KPNA2: variants seen among roughly 807,000 people sequenced by gnomAD.
The protein encoded by KPNA2 is karyopherin subunit alpha 2, also known as importin subunit alpha-1.
In KPNA2, 20 loss-of-function variants were observed where a neutral mutation model predicts 53.7. The ratio of observed to expected loss-of-function variants is 0.37; its 90% CI spans 0.26 to 0.54. The LOEUF is 0.54. KPNA2 is among the 20% of genes least tolerant of loss of function. The pLI, the probability that KPNA2 is intolerant of heterozygous loss-of-function variation, is 0.83. For synonymous variants in KPNA2, 238 were observed against 227.5 expected (o/e 1.05, Z -0.42); for missense variants, 515 against 640.3 (o/e 0.80, Z 2.11).
At chr17:68,037,013 G>A in intron 1 of KPNA2, 97 bp from the exon 2 acceptor site, 1 of 829,720 alleles carries the variant, frequency 1.2e-6, no homozygotes, top group South Asian at 1.4e-5. Context: ...TACAGGTGTG[G>A]ATTCAGTAGA....
rs1355585695 is a variant in KPNA2, at chr17:68,037,420, G to T, written c.138G>T (p.Gln46His). The change falls in exon 3 of 11, where the codon CAG (glutamine) becomes CAT (histidine). Residue 46 changes from glutamine (Q) to histidine (H), a missense_variant. Gln to His is a conservative substitution (Grantham distance 24). Coordinates refer to ENST00000330459, the MANE Select transcript of KPNA2 (RefSeq NM_002266.4). ...VELRKAKKDD[Q>H]MLKRRNVSSF... Reference sequence around the variant, plus strand: ...TGAGGAAAGCTAAGAAGGATGACCAGATGCTGAAGAGGAGAAATGTAAGCT... The same window carrying T: ...TGAGGAAAGCTAAGAAGGATGACCATATGCTGAAGAGGAGAAATGTAAGCT... The T allele has an allele frequency of 3.1e-6, 5 of 1,613,990 alleles. No individual in the cohort carries two copies. The African/African-American group carries it at 6.7e-5, about 22-fold the overall frequency.
In KPNA2 at chr17:68,044,497, C is replaced by T. The variant is rs1308451187; in HGVS notation, c.1341C>T (p.Ile447=). 1.2e-6 allele frequency: 2 copies of T among 1,613,066 alleles called. No individual in the cohort carries two copies. The highest frequency in any genetic ancestry group is 1.7e-6 in the Non-Finnish European group (2 of 1,179,348). ...ILVILDAISN[I]FQAAEKLGET... ...TTATCCTGGATGCCATTTCAAATAT[C>T]TTTCAGGTAAGTCCTATCAAGGTGG... Residue 447 remains isoleucine, a synonymous_variant, in exon 9 of 11, where the codon ATC becomes ATT. Transcript: ENST00000330459.
chr17:68,038,907 C>A (rs1465669989), intron 3 of KPNA2, among the ~76,000 whole-genome samples: 1 of 151,942 alleles, frequency 6.6e-6, no homozygotes, highest in East Asian at 1.9e-4. Flanking sequence ...CCTAGGTATT[C>A]AGGGGGCTGA....
At position 68,037,400 on chromosome 17, in the gene KPNA2, A is replaced by G. The variant is rs782331723; in HGVS notation, c.118A>G (p.Lys40Glu). ...AATAGAGGTCAATGTGGAGCTGAGG[A>G]AAGCTAAGAAGGATGACCAGATGCT... ...RRIEVNVELR[K>E]AKKDDQMLKR... Residue 40 changes from lysine to glutamate, a missense_variant, in exon 3 of 11, where the codon AAA becomes GAA. By Grantham distance (56) the Lys-to-Glu change is moderately conservative. Transcript: ENST00000330459. 1 of 1,614,070 alleles carries G rather than the reference A, an allele frequency of 6.2e-7. No homozygotes were observed.
intron 3 of KPNA2, 28 bp from the exon 4 acceptor site, chr17:68,040,650 A>T (rs1164562201): frequency 3.5e-6 from 5 of 1,425,314 alleles, no homozygotes; most frequent in Non-Finnish European, 4.9e-6. Flanking sequence ...TCTTAATGAT[A>T]ATGTGCAAAC....
At chr17:68,044,940 C>T (rs2071310766) in intron 9 of KPNA2, among the ~76,000 whole-genome samples, 1 of 152,026 alleles carries the variant, frequency 6.6e-6, no homozygotes. Context: ...GCTAAAAATG[C>T]AAGAATTAGC....
In KPNA2 at chr17:68,040,752, T is replaced by C. The variant is rs151162761; in HGVS notation, c.288T>C (p.Ala96=). The C allele has an allele frequency of 1.2e-6, 2 of 1,608,452 alleles. No individual in the cohort carries two copies. The highest frequency in any genetic ancestry group is 2.7e-5 in the African/African-American group (2 of 74,902). Reference sequence around the variant, plus strand: ...GCAATGTGGAAAATCAGCTCCAAGCTACTCAAGCTGCCAGGTAAGTCTTGT... The same window carrying C: ...GCAATGTGGAAAATCAGCTCCAAGCCACTCAAGCTGCCAGGTAAGTCTTGT... ...NSSNVENQLQ[A]TQAARKLLSR... The change falls in exon 4 of 11, where the codon GCT becomes GCC. Residue 96 remains alanine, a synonymous_variant. Coordinates refer to ENST00000330459, the MANE Select transcript of KPNA2 (RefSeq NM_002266.4).
At chr17:68,040,595 C>T in intron 3 of KPNA2, 83 bp from the exon 4 acceptor site, 1 of 891,218 alleles carries the variant, frequency 1.1e-6, no homozygotes, top group South Asian at 1.4e-5. Context: ...ACGATGTTTA[C>T]ACTTGCCTTC....
At position 68,043,184 on chromosome 17, in the gene KPNA2, C is replaced by G; in HGVS notation, c.751C>G (p.Gln251Glu). Residue 251 changes from glutamine to glutamate, a missense_variant, in exon 7 of 11, where the codon CAG becomes GAG. Coordinates refer to ENST00000330459, the MANE Select transcript of KPNA2 (RefSeq NM_002266.4). ...NPAPPIDAVE[Q>E]ILPTLVRLLH... Reference sequence around the variant, plus strand: ...TGCACCCCCGATAGATGCTGTTGAGCAGATTCTTCCTACCTTAGTTCGGCT... The same window carrying G: ...TGCACCCCCGATAGATGCTGTTGAGGAGATTCTTCCTACCTTAGTTCGGCT... 1 of 1,614,102 alleles carries G rather than the reference C, an allele frequency of 6.2e-7. No homozygotes were observed. Among genetic ancestry groups the G allele is most frequent in the Non-Finnish European group, 8.5e-7 (1 of 1,179,996 alleles).
chr17:68,042,138 G>C lies in KPNA2; in HGVS notation c.356G>C (p.Gly119Ala). ...QPPIDNIIRA[G>A]LIPKFVSFLG... ...CCCATAGACAACATAATCCGGGCTG[G>C]TTTGATTCCGAAATTTGTGTCCTTC... Residue 119 changes from glycine to alanine, a missense_variant, in exon 5 of 11, where the codon GGT (glycine) becomes GCT (alanine). Gly to Ala is a moderately conservative substitution (Grantham distance 60). Transcript: ENST00000330459. 6.2e-7 allele frequency: 1 copy of C among 1,614,012 alleles called. No individual in the cohort carries two copies. Among genetic ancestry groups the C allele is most frequent in the Non-Finnish European group, 8.5e-7 (1 of 1,179,864 alleles).
intron 9 of KPNA2, 80 bp from the exon 10 acceptor site, chr17:68,045,692 A>G (rs2071319794): frequency 9.6e-7 from 1 of 1,041,794 alleles, no homozygotes; most frequent in East Asian, 2.4e-5. Flanking sequence ...TGACGTATCA[A>G]TATTCAAATT....
rs782027707 is a variant in KPNA2, at chr17:68,042,306, A to G, written c.524A>G (p.His175Arg). Residue 175 changes from histidine (H) to arginine (R), a missense_variant, in exon 5 of 11, where the codon CAT (histidine) becomes CGT (arginine). His to Arg is a conservative substitution (Grantham distance 29, BLOSUM62 0). Coordinates refer to ENST00000330459, the MANE Select transcript of KPNA2 (RefSeq NM_002266.4). ...TTCATTTCTCTGTTGGCATCTCCCC[A>G]TGCTCACATCAGTGAACAAGCTGTC... is the stretch of plus-strand genomic sequence containing the variant. ...PAFISLLASP[H>R]AHISEQAVWA... 6.2e-7 allele frequency: 1 copy of G among 1,614,210 alleles called. No individual in the cohort carries two copies. Among genetic ancestry groups the G allele is most frequent in the Non-Finnish European group, 8.5e-7 (1 of 1,180,012 alleles).
chr17:68,042,425 A>T, intron 5 of KPNA2, 72 bp downstream of exon 5: 1 of 1,457,446 alleles, frequency 6.9e-7, no homozygotes, highest in South Asian at 1.3e-5. Flanking sequence ...CCTTGTTATA[A>T]GTAATAGTGA....
intron 8 of KPNA2, 104 bp downstream of exon 8, chr17:68,044,175 C>G (rs2071300787): frequency 8.0e-7 from 1 of 1,256,518 alleles, no homozygotes; most frequent in Admixed American, 1.8e-5. Context: ...ACTAGGAGTC[C>G]TTTGCTGAAC....
chr17:68,038,166 G>A (rs1440269573), intron 3 of KPNA2, among the ~76,000 whole-genome samples: 2 of 152,112 alleles, frequency 1.3e-5, no homozygotes, highest in Admixed American at 1.3e-4. Flanking sequence ...TAGTAGAGAC[G>A]GTGTTTCAAC....
intron 3 of KPNA2, among the ~76,000 whole-genome samples, chr17:68,039,724 G>A (rs187008210): frequency 2.7e-3 from 403 of 151,458 alleles, no homozygotes; most frequent in African/African-American, 9.1e-3. Context: ...AGGCGGTGGT[G>A]AGCCGAGATC....
At chr17:68,043,067 A>G in intron 6 of KPNA2, 33 bp from the exon 7 acceptor site, 2 of 1,613,570 alleles carry the variant, frequency 1.2e-6, no homozygotes, top group Non-Finnish European at 8.5e-7. Context: ...CTCAAAAGAC[A>G]GAACCTCTCA....
At chr17:68,038,425 C>T (rs1321558923) in intron 3 of KPNA2, among the ~76,000 whole-genome samples, 2 of 152,136 alleles carry the variant, frequency 1.3e-5, no homozygotes, top group Admixed American at 6.6e-5. Flanking sequence ...TTTATTTCTG[C>T]CTTTTTTGGT....
At chr17:68,038,976 C>G (rs1302646487) in intron 3 of KPNA2, among the ~76,000 whole-genome samples, 3 of 151,698 alleles carry the variant, frequency 2.0e-5, no homozygotes, top group Non-Finnish European at 4.4e-5. Flanking sequence ...GATTGCACCA[C>G]TGCACCCCAT....
Sources: allele counts gnomAD v4.1 joint callset (sites outside exome capture counted in the v4.1 genomes callset), GRCh38; gene constraint gnomAD v4.1.1; transcripts MANE v1.5; gene names NCBI Gene and HGNC (gene_info 2026-07-23, HGNC 2026-07-21).